Variants in PREX1 observed in about 807,000 individuals in gnomAD.
PREX1 encodes phosphatidylinositol-3,4,5-trisphosphate dependent Rac exchange factor 1.
In PREX1, 41 loss-of-function variants were observed where a neutral mutation model predicts 198.3. That is an observed-to-expected ratio of 0.21 (90% confidence interval 0.16 to 0.27). The LOEUF (loss-of-function observed/expected upper bound fraction) is 0.27, where lower values mean the gene tolerates loss of function less well. PREX1 is among the 10% of genes least tolerant of loss of function. PREX1 has a pLI of 1.00. For missense variants in PREX1, 1,620 were observed against 2,200.7 expected, an observed-to-expected ratio of 0.74 and a Z score of 5.28; for synonymous variants, 843 against 887.2, an observed-to-expected ratio of 0.95 and a Z score of 0.89.
At chr20:48,631,446 T>C (rs1185608990) in intron 35 of PREX1, among the ~76,000 whole-genome samples, 3 of 152,194 alleles carry the variant, frequency 2.0e-5, no homozygotes, top group African/African-American at 7.2e-5. Flanking sequence ...CCCGGAACAG[T>C]GCCCGGCCCG....
the PREX1 span, among the ~76,000 whole-genome samples, chr20:48,861,728 C>G: frequency 2.0e-5 from 3 of 152,144 alleles, no homozygotes; most frequent in African/African-American, 2.4e-5. Context: ...AACTCCAACC[C>G]TGGATTCCTC....
the PREX1 span, among the ~76,000 whole-genome samples, chr20:48,859,138 C>T: frequency 1.3e-5 from 2 of 152,002 alleles, no homozygotes; most frequent in Admixed American, 6.6e-5. Flanking sequence ...TGACCTCAAG[C>T]GATCCTCCTG....
At chr20:48,802,981 C>T (rs1374414124) in intron 1 of PREX1, among the ~76,000 whole-genome samples, 1 of 152,208 alleles carries the variant, frequency 6.6e-6, no homozygotes. Context: ...CTCCCTGGAC[C>T]AGTGGCATCA....
At position 48,658,241 on chromosome 20, in the gene PREX1, G is replaced by T; in HGVS notation, c.1882-13C>A. 6.2e-7 allele frequency: 1 copy of T among 1,613,444 alleles called. No homozygotes were observed. The highest frequency in any genetic ancestry group is 1.1e-5 in the South Asian group (1 of 91,014). ...CCTGGGGCAGGATCTGGGGGCCCAG[G>T]GCAGAAGGAACCCGGTCAGGGAGCG... On this transcript the variant is annotated splice_polypyrimidine_tract_variant and intron_variant, in intron 16 of 39. Transcript: ENST00000371941.
chr20:48,862,826 ATTTT>A, the PREX1 span, among the ~76,000 whole-genome samples: 1 of 126,072 alleles, frequency 7.9e-6, no homozygotes, highest in Non-Finnish European at 1.6e-5. Context: ...AATAAACGTT[ATTTT>A]TTTTTTTTGG....
chr20:48,818,558 G>A (rs114109839), intron 1 of PREX1, among the ~76,000 whole-genome samples: 2,057 of 152,340 alleles, frequency 0.014, 47 homozygotes, highest in African/African-American at 0.047. Flanking sequence ...AACTGCAACG[G>A]CCCTGGCCAT....
intron 33 of PREX1, among the ~76,000 whole-genome samples, chr20:48,633,390 T>C (rs1294120863): frequency 1.3e-5 from 2 of 152,228 alleles, no homozygotes; most frequent in Non-Finnish European, 2.9e-5. Context: ...ACACAGGGTA[T>C]ACCCGTAGTA....
the PREX1 span, among the ~76,000 whole-genome samples, chr20:48,852,836 A>G: frequency 6.6e-6 from 1 of 152,250 alleles, no homozygotes; most frequent in East Asian, 1.9e-4. Flanking sequence ...ACAGCCTTGA[A>G]AAGTATCAAG....
At chr20:48,846,756 T>A in the PREX1 span, among the ~76,000 whole-genome samples, 1 of 151,940 alleles carries the variant, frequency 6.6e-6, no homozygotes, top group Non-Finnish European at 1.5e-5. Context: ...ATGGATGGGG[T>A]GCCTGGGAGT....
At chr20:48,736,597 G>A (rs143946584) in intron 3 of PREX1, among the ~76,000 whole-genome samples, 7 of 152,334 alleles carry the variant, frequency 4.6e-5, no homozygotes, top group Non-Finnish European at 8.8e-5. Flanking sequence ...AAGGCCAAAA[G>A]AGCTGGGTGA....
At chr20:48,828,004 GC>G, upstream of PREX1, 1 of 184,994 alleles carries the variant, frequency 5.4e-6, no homozygotes. Context: ...GGGACTGGGG[GC>G]CGGGCGGCTG....
intron 10 of PREX1, among the ~76,000 whole-genome samples, chr20:48,683,832 G>C (rs897668317): frequency 1.3e-5 from 2 of 152,156 alleles, no homozygotes; most frequent in Non-Finnish European, 2.9e-5. Flanking sequence ...AACTCTATCA[G>C]GTCAGTGGGG....
Position 48,652,672 on chromosome 20 carries a change from T to C in PREX1, c.2381A>G (p.Asp794Gly). 4 of 1,613,356 alleles carry C rather than the reference T, an allele frequency of 2.5e-6. No homozygotes were observed. The highest frequency in any genetic ancestry group is 3.4e-6 in the Non-Finnish European group (4 of 1,179,616). ...CTGACTGGCTCGTGCTTCCTGGGCA[T>C]CCTCATGGGTGTGGTAGATCCACTG... ...LYQWIYHTHE[D>G]AQEARASQEA... The change falls in exon 21 of 40, where the codon GAT (aspartate) becomes GGT (glycine). Residue 794 changes from aspartate to glycine, a missense_variant. Coordinates refer to ENST00000371941, the MANE Select transcript of PREX1 (RefSeq NM_020820.4).
chr20:48,626,590 A>G (rs988071948), intron 39 of PREX1, among the ~76,000 whole-genome samples: 10 of 152,232 alleles, frequency 6.6e-5, no homozygotes, highest in Non-Finnish European at 1.2e-4. Flanking sequence ...AGTGCGTGGC[A>G]CAGGGCAAAG....
chr20:48,762,701 C>CTTTT (rs397816054), intron 1 of PREX1, among the ~76,000 whole-genome samples: 7 of 128,096 alleles, frequency 5.5e-5, no homozygotes, highest in Admixed American at 3.3e-4. Context: ...TATGAAGTTT[C>CTTTT]TTTTTTTTTT....
At chr20:48,656,583 C>G (rs1407994018) in intron 18 of PREX1, 4 of 456,206 alleles carry the variant, frequency 8.8e-6, no homozygotes, top group Non-Finnish European at 1.8e-5. Flanking sequence ...CCTCTTCCTC[C>G]AGAAATCCCC....
At chr20:48,846,318 G>A in the PREX1 span, among the ~76,000 whole-genome samples, 7 of 152,190 alleles carry the variant, frequency 4.6e-5, no homozygotes, top group African/African-American at 1.7e-4. Flanking sequence ...TTTCACGGCG[G>A]AGAGGAAAGA....
chr20:48,629,028 G>A (rs1244071286), intron 37 of PREX1, among the ~76,000 whole-genome samples: 3 of 152,146 alleles, frequency 2.0e-5, no homozygotes, highest in Admixed American at 6.5e-5. Context: ...AGTTTGTAAC[G>A]GAAGGTCAGG....
chr20:48,861,169 C>T, the PREX1 span, among the ~76,000 whole-genome samples: 48,329 of 151,786 alleles, frequency 0.32, 7,950 homozygotes, highest in African/African-American at 0.38. Context: ...CTCAGACTTT[C>T]AGTGACACTC....
Sources: gnomAD v4.1 joint callset for allele counts (sites outside exome capture counted in the v4.1 genomes callset) on GRCh38, gnomAD v4.1.1 for gene constraint, MANE v1.5 for transcripts, NCBI Gene and HGNC (gene_info 2026-07-23, HGNC 2026-07-21) for gene names.